TEC: variants seen among roughly 807,000 people sequenced by gnomAD.
The protein encoded by TEC is tyrosine-protein kinase Tec.
A neutral mutation model predicts 93.0 loss-of-function variants in TEC; 72 were observed. The ratio of observed to expected loss-of-function variants is 0.77; its 90% confidence interval spans 0.64 to 0.94. The LOEUF (loss-of-function observed/expected upper bound fraction) is 0.94. Among genes scored for constraint, TEC ranks in the 40% least tolerant of loss-of-function variants. The probability of loss-of-function intolerance (pLI) is 0.00; values close to 1 mark genes in which losing one functional copy is unlikely to be tolerated. For missense variants in TEC, 630 were observed against 757.9 expected (o/e 0.83, Z 1.98); for synonymous variants, 249 against 247.7 (o/e 1.01, Z -0.05).
intron 1 of TEC, among the ~76,000 whole-genome samples, chr4:48,248,710 T>C (rs1028924544): frequency 6.6e-6 from 1 of 152,184 alleles, no homozygotes; most frequent in African/African-American, 2.4e-5. Flanking sequence ...GAGATGCTCA[T>C]GGATATCCTC....
chr4:48,153,035 G>T (rs1720241767), intron 9 of TEC, among the ~76,000 whole-genome samples: 1 of 152,056 alleles, frequency 6.6e-6, no homozygotes, highest in Non-Finnish European at 1.5e-5. Flanking sequence ...GTAGACCCAG[G>T]TCCCCTTACT....
At chr4:48,144,130 G>A (rs1486180732) in intron 14 of TEC, among the ~76,000 whole-genome samples, 3 of 152,038 alleles carry the variant, frequency 2.0e-5, no homozygotes, top group East Asian at 1.9e-4. Flanking sequence ...CAGGAGGATC[G>A]CTTGAACCCG....
chr4:48,242,090 C>T (rs1465681887), intron 1 of TEC, among the ~76,000 whole-genome samples: 1 of 152,196 alleles, frequency 6.6e-6, no homozygotes, highest in Non-Finnish European at 1.5e-5. Context: ...TGTCTGGCTA[C>T]ATTGGTAAAA....
intron 9 of TEC, among the ~76,000 whole-genome samples, chr4:48,155,324 C>T (rs1161353467): frequency 6.6e-6 from 1 of 152,202 alleles, no homozygotes; most frequent in Non-Finnish European, 1.5e-5. Flanking sequence ...AGTATAACTG[C>T]CCAAGCTCAT....
chr4:48,184,386 G>C (rs958333122), intron 2 of TEC, among the ~76,000 whole-genome samples: 1 of 152,074 alleles, frequency 6.6e-6, no homozygotes, highest in Non-Finnish European at 1.5e-5. Flanking sequence ...TAAAATCAAA[G>C]AAAGTTCACA....
Position 48,149,644 on chromosome 4 carries a change from T to C in TEC, c.919A>G (p.Thr307Ala), listed in dbSNP as rs757509359. The C allele has an allele frequency of 3.7e-6, 6 of 1,612,332 alleles. No homozygotes were observed. The South Asian group carries it at 4.4e-5, about 12-fold the overall frequency. Residue 307 changes from threonine to alanine, a missense_variant, in exon 11 of 18, where the codon ACA (threonine) becomes GCA (alanine). This residue lies in a region of TEC where 335 missense variants were observed against 351.5 expected (regional missense o/e 0.95). Transcript: ENST00000381501. ...GCTAGGTAATACTTCTTTGGAGATG[T>C]TGTTGTTTCCTTTATATGATAATGC... Reference protein sequence around the residue: ...FRHYHIKETTTSPKKYYLAEK... With the variant: ...FRHYHIKETTASPKKYYLAEK...
intron 8 of TEC, among the ~76,000 whole-genome samples, chr4:48,163,482 A>G (rs1289015181): frequency 1.3e-5 from 2 of 152,218 alleles, no homozygotes; most frequent in East Asian, 3.8e-4. Context: ...ATTTATGTAC[A>G]TAAGCCTATG....
intron 3 of TEC, among the ~76,000 whole-genome samples, chr4:48,172,879 C>T (rs1721173674): frequency 6.6e-6 from 1 of 152,138 alleles, no homozygotes; most frequent in African/African-American, 2.4e-5. Flanking sequence ...ACAGAAGGAA[C>T]TATGCACCGT....
intron 1 of TEC, among the ~76,000 whole-genome samples, chr4:48,230,887 G>T (rs541273329): frequency 4.6e-5 from 7 of 152,156 alleles, no homozygotes; most frequent in Non-Finnish European, 7.4e-5. Flanking sequence ...TCTCCTAATG[G>T]CTCCTATTAA....
intron 11 of TEC, among the ~76,000 whole-genome samples, chr4:48,147,240 C>T (rs1006937716): frequency 5.3e-5 from 8 of 152,126 alleles, no homozygotes; most frequent in African/African-American, 1.9e-4. Context: ...CACAGAGTTA[C>T]CATATGACGC....
intron 1 of TEC, among the ~76,000 whole-genome samples, chr4:48,233,816 C>CA (rs34535018): frequency 0.025 from 3,378 of 136,346 alleles, 110 homozygotes; most frequent in African/African-American, 0.081. Context: ...GAAACTCTCC[C>CA]AAAAAAAAAA....
intron 1 of TEC, among the ~76,000 whole-genome samples, chr4:48,258,144 G>GATT (rs1393335799): frequency 1.0e-5 from 1 of 97,900 alleles, no homozygotes; most frequent in East Asian, 3.8e-4. Context: ...TTGTTTTTTT[G>GATT]GTTTTTTTTT....
At chr4:48,262,910 C>T (rs549323806) in intron 1 of TEC, among the ~76,000 whole-genome samples, 19 of 152,294 alleles carry the variant, frequency 1.2e-4, no homozygotes, top group South Asian at 6.2e-4. Context: ...ATGGGAAGAT[C>T]GAGCTTTGCT....
chr4:48,239,008 A>G lies in TEC; in HGVS notation c.-45-10349T>C, dbSNP rs1179563865. Among the ~76,000 whole-genome samples, 4 of 152,296 alleles carry G rather than the reference A, an allele frequency of 2.6e-5. No individual in the cohort carries two copies. In the East Asian group the frequency reaches 7.7e-4, roughly 29 times the overall value. ...GACTAGTTCACTTACTTTGTGAGAG[A>G]CAAGTATATTTCTATCTTATTTTAG... On this transcript the variant is annotated intron_variant, in intron 1 of 17. Transcript: ENST00000381501.
intron 2 of TEC, among the ~76,000 whole-genome samples, chr4:48,198,275 CAA>C (rs890085729): frequency 2.1e-4 from 32 of 152,342 alleles, no homozygotes; most frequent in Non-Finnish European, 2.9e-4. Flanking sequence ...ATGGGTCAGA[CAA>C]GAGCCACAAC....
chr4:48,205,898 G>A (rs984667190), intron 2 of TEC, among the ~76,000 whole-genome samples: 1 of 152,012 alleles, frequency 6.6e-6, no homozygotes, highest in Non-Finnish European at 1.5e-5. Context: ...TATTCATATC[G>A]GTTCTATTTC....
chr4:48,170,262 T>A lies in TEC; in HGVS notation c.440A>T (p.Asn147Ile). ...EKLAPGCEKY[N>I]LFESSIRKAL... ...TGAATACTTACTGCTCTCAAAAAGA[T>A]TGTATTTTTCACATCCGGGTGCTAA... Residue 147 changes from asparagine (N) to isoleucine (I), a missense_variant, in exon 5 of 18, where the codon AAT becomes ATT. Around this residue, in one of 3 missense-constraint regions of TEC, gnomAD observed 335 missense variants for 351.5 expected, o/e 0.95. Coordinates refer to ENST00000381501, the MANE Select transcript of TEC (RefSeq NM_003215.3). 6.3e-7 allele frequency: 1 copy of A among 1,593,942 alleles called. No individual in the cohort carries two copies. The highest frequency in any genetic ancestry group is 8.6e-7 in the Non-Finnish European group (1 of 1,163,874).
intron 8 of TEC, among the ~76,000 whole-genome samples, chr4:48,158,446 G>C (rs1225947809): frequency 6.6e-6 from 1 of 152,100 alleles, no homozygotes; most frequent in Admixed American, 6.6e-5. Flanking sequence ...ATGCAATTAA[G>C]AAATATAGTA....
chr4:48,141,196 G>A (rs1052711074), intron 15 of TEC, among the ~76,000 whole-genome samples, 159 bp downstream of exon 15: 2 of 152,136 alleles, frequency 1.3e-5, no homozygotes, highest in Admixed American at 1.3e-4. Context: ...CTACCACCTA[G>A]TGGAGAGAAT....
Sources: gnomAD v4.1 joint callset for allele counts (sites outside exome capture counted in the v4.1 genomes callset) on GRCh38, gnomAD v4.1.1 for gene constraint, gnomAD v4.1.1 regional missense constraint, MANE v1.5 for transcripts, NCBI Gene and HGNC (gene_info 2026-07-23, HGNC 2026-07-21) for gene names.